Variants in TMOD1 observed in about 807,000 individuals in gnomAD.
The protein encoded by TMOD1 is tropomodulin-1.
TMOD1 carries 17 observed loss-of-function variants against 40.6 expected under a neutral mutation model. That is an observed-to-expected ratio of 0.42 (90% confidence interval 0.29 to 0.63). TMOD1 has a LOEUF of 0.63. Ranked by LOEUF, TMOD1 falls within the 20% of genes least tolerant of loss-of-function variation. TMOD1 has a pLI of 0.22. For missense variants in TMOD1, 391 were observed against 447.6 expected (o/e 0.87, Z 1.14); for synonymous variants, 181 against 175.0 (o/e 1.03, Z -0.27).
rs1328081607 is a variant in TMOD1 at position 97,558,545 on chromosome 9, G to A, written c.398-4187G>A. Among the ~76,000 whole-genome samples, 3 of 152,280 alleles carry A rather than the reference G, an allele frequency of 2.0e-5. No individual in the cohort carries two copies. The East Asian group carries it at 5.8e-4, about 29-fold the overall frequency. ...TGTAACCTCCACCTCCCAGGTTCAA[G>A]CAATTCTCCTGCCTCAGCCTCCCAA... On this transcript the variant is annotated intron_variant, in intron 4 of 9. Coordinates refer to ENST00000259365, the MANE Select transcript of TMOD1 (RefSeq NM_003275.4).
At chr9:97,580,020 C>T (rs987178057) in intron 8 of TMOD1, among the ~76,000 whole-genome samples, 3 of 151,964 alleles carry the variant, frequency 2.0e-5, no homozygotes, top group Non-Finnish European at 2.9e-5. Context: ...ATAAACAGGC[C>T]GAGTAAGGAA....
At chr9:97,565,705 G>A (rs1830716503) in intron 6 of TMOD1, 143 bp from the exon 7 acceptor site, 2 of 652,730 alleles carry the variant, frequency 3.1e-6, no homozygotes, top group Non-Finnish European at 5.4e-6. Context: ...CAGTCGTCCG[G>A]GACAAAGCCT....
intron 1 of TMOD1, among the ~76,000 whole-genome samples, chr9:97,510,563 GACTT>G (rs1829680255): frequency 6.6e-6 from 1 of 152,182 alleles, no homozygotes; most frequent in Non-Finnish European, 1.5e-5. Context: ...AAGTGCTTTT[GACTT>G]ACGGCTATCA....
chr9:97,516,455 A>G (rs1435454694), intron 1 of TMOD1: 1 of 152,982 alleles, frequency 6.5e-6, no homozygotes, highest in Non-Finnish European at 1.5e-5. Context: ...CTCTCTATCC[A>G]TCCATGGGAA....
intron 1 of TMOD1, among the ~76,000 whole-genome samples, chr9:97,523,449 G>A (rs888216305): frequency 6.6e-6 from 1 of 152,196 alleles, no homozygotes; most frequent in Non-Finnish European, 1.5e-5. Flanking sequence ...CGCAGAGAAG[G>A]TCTGCAGCCA....
At chr9:97,551,518 G>A (rs556994848) in intron 3 of TMOD1, among the ~76,000 whole-genome samples, 8 of 152,288 alleles carry the variant, frequency 5.3e-5, no homozygotes, top group African/African-American at 1.9e-4. Context: ...TGCCATAGAT[G>A]TTTGAGTTTC....
At position 97,521,045 on chromosome 9, in the gene TMOD1, C is replaced by G. The variant is rs544755305; in HGVS notation, c.-48-3096C>G. Among the ~76,000 whole-genome samples, 517 of 152,300 alleles carry G rather than the reference C, an allele frequency of 3.4e-3. 2 individuals carry two copies. The highest frequency in any genetic ancestry group is 5.6e-3 in the Non-Finnish European group (380 of 68,032). ...TGGAAGAGGTAACAAGTATGAGACA[C>G]TCCCAGGGTTCCCAACCTGTCTGAT... On this transcript the variant is annotated intron_variant, in intron 1 of 9. Transcript: ENST00000259365.
chr9:97,520,357 G>T (rs1008735843), intron 1 of TMOD1, among the ~76,000 whole-genome samples: 2 of 152,140 alleles, frequency 1.3e-5, no homozygotes, highest in African/African-American at 4.8e-5. Flanking sequence ...TTTATTAGCA[G>T]CTATAAAATA....
chr9:97,533,727 A>T (rs888388091), intron 2 of TMOD1, among the ~76,000 whole-genome samples: 53 of 152,226 alleles, frequency 3.5e-4, no homozygotes, highest in Non-Finnish European at 2.9e-5. Flanking sequence ...GGGATCCAAA[A>T]CCAGAGAGCA....
intron 3 of TMOD1, among the ~76,000 whole-genome samples, chr9:97,551,010 ATATATTTTTTTTTTTTTTTTTTTT>A (rs1395379711): frequency 7.1e-5 from 3 of 42,242 alleles, no homozygotes; most frequent in South Asian, 1.9e-3. Flanking sequence ...ATATATATAT[ATATATTTTTTTTTTTTTTTTTTTT>A]TTTTTTTTAG....
At chr9:97,579,305 A>G (rs1447389835) in intron 8 of TMOD1, among the ~76,000 whole-genome samples, 4 of 152,044 alleles carry the variant, frequency 2.6e-5, no homozygotes, top group African/African-American at 4.8e-5. Context: ...AATTCTGCAC[A>G]CCTCGACCGA....
At position 97,581,407 on chromosome 9, in the gene TMOD1, G is replaced by A. The variant is rs562862613; in HGVS notation, c.871-9884G>A. On this transcript the variant is annotated intron_variant, in intron 8 of 9. Coordinates refer to ENST00000259365, the MANE Select transcript of TMOD1 (RefSeq NM_003275.4). ...TCCAGTCTGTCATAGATGGACATTC[G>A]GGTTGGTTCCAAGTCTTTGCGATTG... Among the ~76,000 whole-genome samples, 23 of 151,852 alleles carry A rather than the reference G, an allele frequency of 1.5e-4. 1 individual carries two copies. In the South Asian group the frequency reaches 1.7e-3, roughly 11 times the overall value.
intron 8 of TMOD1, among the ~76,000 whole-genome samples, chr9:97,575,299 A>G (rs536243769): frequency 2.0e-4 from 30 of 152,324 alleles, no homozygotes; most frequent in African/African-American, 7.0e-4. Context: ...CCAGGAGACC[A>G]CAAACCCACC....
At chr9:97,521,687 G>A (rs949386502) in intron 1 of TMOD1, among the ~76,000 whole-genome samples, 6 of 152,216 alleles carry the variant, frequency 3.9e-5, no homozygotes, top group African/African-American at 1.4e-4. Context: ...TGGTCAAAGA[G>A]GACGTTAGGC....
intron 1 of TMOD1, among the ~76,000 whole-genome samples, chr9:97,519,887 G>A (rs1222649881): frequency 6.6e-6 from 1 of 152,026 alleles, no homozygotes; most frequent in Non-Finnish European, 1.5e-5. Flanking sequence ...CCAGTTGACT[G>A]CACCAGTCAA....
chr9:97,556,074 A>G (rs1830532084), intron 4 of TMOD1, among the ~76,000 whole-genome samples: 1 of 151,706 alleles, frequency 6.6e-6, no homozygotes, highest in Admixed American at 6.6e-5. Context: ...AAGGAGAGCT[A>G]GATGGAAGCA....
chr9:97,520,081 A>C (rs1451586344), intron 1 of TMOD1, among the ~76,000 whole-genome samples: 1 of 152,134 alleles, frequency 6.6e-6, no homozygotes, highest in Non-Finnish European at 1.5e-5. Context: ...TAAATACATC[A>C]GGTAAAATCA....
At chr9:97,599,575 G>A (rs1406380075) in intron 9 of TMOD1, 59 bp from the exon 10 acceptor site, 3 of 1,610,092 alleles carry the variant, frequency 1.9e-6, no homozygotes, top group Non-Finnish European at 1.7e-6. Context: ...CTCAGCAACA[G>A]TGCTGGCCCC....
chr9:97,574,480 GC>G (rs1235588901), intron 8 of TMOD1, among the ~76,000 whole-genome samples: 1 of 152,220 alleles, frequency 6.6e-6, no homozygotes, highest in Non-Finnish European at 1.5e-5. Flanking sequence ...CTCCTGAGCG[GC>G]CCGAACCTCC....
Sources: gnomAD v4.1 joint callset for allele counts (sites outside exome capture counted in the v4.1 genomes callset) on GRCh38, gnomAD v4.1.1 for gene constraint, MANE v1.5 for transcripts, NCBI Gene and HGNC (gene_info 2026-07-23, HGNC 2026-07-21) for gene names.